The following SYN3 variants were observed in gnomAD, a reference collection of about 807,000 sequenced individuals.
The protein encoded by SYN3 is synapsin-3.
A neutral mutation model predicts 65.8 loss-of-function variants in SYN3; 35 were observed. That is an observed-to-expected ratio of 0.53 (90% CI 0.41 to 0.70). The LOEUF is 0.70. Ranked by LOEUF, SYN3 falls within the 30% of genes least tolerant of loss-of-function variation. The probability of loss-of-function intolerance (pLI) is 0.00; values close to 1 mark genes in which losing one functional copy is unlikely to be tolerated. For missense variants in SYN3, 680 were observed against 749.0 expected (o/e 0.91, Z 1.08); for synonymous variants, 270 against 292.9 (o/e 0.92, Z 0.80).
At chr22:32,688,110 C>T (rs1247109237) in intron 6 of SYN3, among the ~76,000 whole-genome samples, 1 of 152,334 alleles carries the variant, frequency 6.6e-6, no homozygotes, top group African/African-American at 2.4e-5. Context: ...GCACTCAATA[C>T]GTTGAATGCT....
intron 6 of SYN3, among the ~76,000 whole-genome samples, chr22:32,604,886 G>A (rs573564241): frequency 0.014 from 2,127 of 151,592 alleles, 23 homozygotes; most frequent in Middle Eastern, 0.031. Context: ...GGTGCCTGTA[G>A]TCCCAGCTAC....
At chr22:32,628,784 A>G (rs2059706155) in intron 6 of SYN3, among the ~76,000 whole-genome samples, 1 of 151,850 alleles carries the variant, frequency 6.6e-6, no homozygotes, top group Non-Finnish European at 1.5e-5. Flanking sequence ...CTTTAGTTAC[A>G]AGCTGGAAGA....
rs552010181 is a variant in SYN3 at position 32,674,383 on chromosome 22, C to T, written c.712-77647G>A. Among the ~76,000 whole-genome samples the T allele has an allele frequency of 2.0e-5, 3 of 152,260 alleles. No homozygotes were observed. In the East Asian group the frequency reaches 5.8e-4, roughly 29 times the overall value. ...GACTCTGGCCTGCATATTTCTCATGCAAATCTGCCACCAGAATGTTCATGT... is the reference window on the plus strand; with the variant it reads ...GACTCTGGCCTGCATATTTCTCATGTAAATCTGCCACCAGAATGTTCATGT... On this transcript the variant is annotated intron_variant, in intron 6 of 13. Coordinates refer to ENST00000358763, the MANE Select transcript of SYN3 (RefSeq NM_003490.4).
chr22:32,817,903 C>G (rs2047129876), intron 6 of SYN3, among the ~76,000 whole-genome samples: 1 of 152,176 alleles, frequency 6.6e-6, no homozygotes, highest in Non-Finnish European at 1.5e-5. Flanking sequence ...GGCCAGATCT[C>G]TCCCCTCTCT....
intron 6 of SYN3, among the ~76,000 whole-genome samples, chr22:32,719,735 C>A (rs1487558730): frequency 2.0e-5 from 3 of 152,102 alleles, no homozygotes; most frequent in Non-Finnish European, 4.4e-5. Context: ...GTAGTCCCAG[C>A]TACTCGGGAG....
intron 2 of SYN3, among the ~76,000 whole-genome samples, chr22:33,001,936 C>A (rs1302124469): frequency 2.6e-5 from 4 of 152,060 alleles, no homozygotes; most frequent in Non-Finnish European, 5.9e-5. Flanking sequence ...AACAGCTGAG[C>A]CAGGGATAAC....
At chr22:32,747,755 C>T (rs770858464) in intron 6 of SYN3, among the ~76,000 whole-genome samples, 1 of 152,186 alleles carries the variant, frequency 6.6e-6, no homozygotes. Context: ...CAGCGCCCAG[C>T]GATGAGCTCA....
intron 4 of SYN3, among the ~76,000 whole-genome samples, chr22:32,903,005 G>A (rs998814725): frequency 6.6e-6 from 1 of 152,068 alleles, no homozygotes; most frequent in Non-Finnish European, 1.5e-5. Flanking sequence ...ACGGTGGTTT[G>A]GATTCAGAAT....
chr22:33,015,235 A>C, intron 1 of SYN3: 1 of 446,390 alleles, frequency 2.2e-6, no homozygotes, highest in Non-Finnish European at 3.5e-6. Flanking sequence ...AAAAAAAAAA[A>C]AAAAAAACTA....
chr22:32,543,607 C>T lies in SYN3; in HGVS notation c.775-1894G>A, dbSNP rs537932165. Among the ~76,000 whole-genome samples the T allele has an allele frequency of 4.5e-4, 69 of 152,284 alleles. 1 individual carries two copies. The highest frequency in any genetic ancestry group is 1.7e-3 in the African/African-American group (69 of 41,560). On this transcript the variant is annotated intron_variant, in intron 7 of 13. Coordinates refer to ENST00000358763, the MANE Select transcript of SYN3 (RefSeq NM_003490.4). Reference sequence around the variant, plus strand: ...CCCAGCTGCAGTGGCGGTGGTGTGCCTCCTTCCTTTGTTCTGGGCCTTCTA... The same window carrying T: ...CCCAGCTGCAGTGGCGGTGGTGTGCTTCCTTCCTTTGTTCTGGGCCTTCTA...
rs1416706217 is a variant in SYN3, at chr22:32,848,080, A to G, written c.711+16835T>C. 2.0e-5 allele frequency among the ~76,000 whole-genome samples: 3 copies of G among 152,292 alleles called. No individual in the cohort carries two copies. In the East Asian group the frequency reaches 5.8e-4, roughly 29 times the overall value. ...TGTCCATTTGCTCCTCCATGTGCCA[A>G]TTTTACAAATACCTGAAGACAGCTC... On this transcript the variant is annotated intron_variant, in intron 6 of 13. Transcript: ENST00000358763.
intron 6 of SYN3, among the ~76,000 whole-genome samples, chr22:32,757,628 AAG>A (rs2045335705): frequency 2.0e-5 from 3 of 152,116 alleles, no homozygotes; most frequent in Admixed American, 2.0e-4. Context: ...TCCACAAGCT[AAG>A]AAGGGAGTTA....
At chr22:32,792,056 C>G (rs936596097) in intron 6 of SYN3, among the ~76,000 whole-genome samples, 1 of 152,176 alleles carries the variant, frequency 6.6e-6, no homozygotes, top group Non-Finnish European at 1.5e-5. Context: ...CCCTGGTATA[C>G]ACAGTCCTCA....
intron 7 of SYN3, among the ~76,000 whole-genome samples, chr22:32,592,296 C>G (rs1468637444): frequency 6.6e-6 from 1 of 152,180 alleles, no homozygotes; most frequent in Non-Finnish European, 1.5e-5. Flanking sequence ...AATAAAATTG[C>G]CTCCAGACAC....
chr22:32,915,168 T>C (rs1248833308), intron 4 of SYN3, among the ~76,000 whole-genome samples: 1 of 152,190 alleles, frequency 6.6e-6, no homozygotes, highest in African/African-American at 2.4e-5. Flanking sequence ...AAATACCTAA[T>C]GTAGATGATG....
At chr22:32,643,827 C>T (rs566469100) in intron 6 of SYN3, among the ~76,000 whole-genome samples, 1 of 151,864 alleles carries the variant, frequency 6.6e-6, no homozygotes, top group Non-Finnish European at 1.5e-5. Flanking sequence ...CGCGGTGGCT[C>T]ACACCTGTAA....
Position 32,873,047 on chromosome 22 carries a change from T to A in SYN3, c.462-3922A>T, listed in dbSNP as rs543806609. On this transcript the variant is annotated intron_variant, in intron 4 of 13. Transcript: ENST00000358763. ...CTCACTGCAATCTCCACCTCCCAGG[T>A]TCAGGCAGTTCTCCTGTCTCAGCCT... 2.6e-5 allele frequency among the ~76,000 whole-genome samples: 4 copies of A among 151,240 alleles called. No individual in the cohort carries two copies. The South Asian group carries it at 8.3e-4, about 32-fold the overall frequency.
chr22:33,006,759 T>C lies in SYN3; in HGVS notation c.-97A>G, dbSNP rs2053210186. 6.1e-6 allele frequency: 8 copies of C among 1,309,890 alleles called. No individual in the cohort carries two copies. The South Asian group carries it at 1.3e-4, about 20-fold the overall frequency. 81.1% of individuals were successfully genotyped at this position (1,309,890 alleles called of 1,614,324 possible). ...GCCAGGTACAGGGAGTGGTAGGACT[T>C]TAGCCAGAAGAGCCAGGGGGATTTT... On this transcript the variant is annotated 5_prime_UTR_variant, in exon 2 of 14. Coordinates refer to ENST00000358763, the MANE Select transcript of SYN3 (RefSeq NM_003490.4).
At chr22:32,621,616 G>A (rs1209952299) in intron 6 of SYN3, among the ~76,000 whole-genome samples, 2 of 152,186 alleles carry the variant, frequency 1.3e-5, no homozygotes, top group African/African-American at 4.8e-5. Flanking sequence ...GCTGGGAACT[G>A]CTTCTCGGCC....
Sources: allele counts gnomAD v4.1 joint callset (sites outside exome capture counted in the v4.1 genomes callset), GRCh38; gene constraint gnomAD v4.1.1; transcripts MANE v1.5; gene names NCBI Gene and HGNC (gene_info 2026-07-23, HGNC 2026-07-21).